GPM6A: variants seen among roughly 807,000 people sequenced by gnomAD.
The protein encoded by GPM6A is glycoprotein M6A, also known as neuronal membrane glycoprotein M6-a.
A neutral mutation model predicts 32.1 loss-of-function variants in GPM6A; 7 were observed. That is an observed-to-expected ratio of 0.22 (90% CI 0.12 to 0.41). The LOEUF is 0.41. Among genes scored for constraint, GPM6A ranks in the 10% least tolerant of loss-of-function variants. GPM6A has a pLI of 1.00. For missense variants in GPM6A, 235 were observed against 347.2 expected (o/e 0.68, Z 2.57); for synonymous variants, 130 against 123.4 (o/e 1.05, Z -0.35).
chr4:175,771,551 C>CAA (rs889739577), intron 1 of GPM6A, among the ~76,000 whole-genome samples: 46 of 66,450 alleles, frequency 6.9e-4, no homozygotes, highest in Admixed American at 1.0e-3. Flanking sequence ...GACTCTGTCT[C>CAA]AAAAAAAAAA....
intron 1 of GPM6A, among the ~76,000 whole-genome samples, chr4:175,719,622 C>A (rs369250900): frequency 1.3e-5 from 2 of 151,986 alleles, no homozygotes; most frequent in Admixed American, 6.6e-5. Context: ...ATGTCAGAAA[C>A]AAATTGCCAC....
rs116059443 is a variant in GPM6A, at chr4:175,799,223, G to A, written c.37+12968C>T. Among the ~76,000 whole-genome samples, 566 of 152,266 alleles carry A rather than the reference G, an allele frequency of 3.7e-3. 7 individuals are homozygous for A. The highest frequency in any genetic ancestry group is 0.013 in the African/African-American group (538 of 41,562). On this transcript the variant is annotated intron_variant, in intron 1 of 6. Transcript: ENST00000393658. The stretch of plus-strand genomic sequence containing the variant: ...CATCTGTCTTAGGGAGCTCCAGTCA[G>A]CTGCCTTTCCTAGAGTATCACAGGC...
intron 1 of GPM6A, among the ~76,000 whole-genome samples, chr4:175,773,024 A>C (rs1291703419): frequency 1.3e-5 from 2 of 152,206 alleles, no homozygotes; most frequent in South Asian, 2.1e-4. Context: ...TTAATTAACC[A>C]ATCCCTTTCA....
At chr4:175,848,695 C>T (rs1478362843) in intron 1 of GPM6A, among the ~76,000 whole-genome samples, 3 of 152,106 alleles carry the variant, frequency 2.0e-5, no homozygotes, top group Non-Finnish European at 2.9e-5. Context: ...TGCCTACAAC[C>T]GAGCAATGAT....
At chr4:175,758,552 G>A (rs1012918810) in intron 1 of GPM6A, among the ~76,000 whole-genome samples, 1 of 152,210 alleles carries the variant, frequency 6.6e-6, no homozygotes, top group African/African-American at 2.4e-5. Context: ...CACTGGCAGA[G>A]AGTGTCAATT....
chr4:175,701,820 T>A (rs1283346026), intron 1 of GPM6A, 53 bp from the exon 2 acceptor site: 1 of 1,378,294 alleles, frequency 7.3e-7, no homozygotes, highest in Non-Finnish European at 1.0e-6. Context: ...CTAATTTAAT[T>A]TTTTTTTTCA....
At chr4:175,635,364 A>G (rs1320201626) in intron 6 of GPM6A, among the ~76,000 whole-genome samples, 2 of 152,122 alleles carry the variant, frequency 1.3e-5, no homozygotes, top group Non-Finnish European at 2.9e-5. Context: ...TCATTTGCCC[A>G]AACCATAGAT....
chr4:175,880,366 G>A (rs1737230797), intron 1 of GPM6A, among the ~76,000 whole-genome samples: 1 of 152,164 alleles, frequency 6.6e-6, no homozygotes, highest in African/African-American at 2.4e-5. Flanking sequence ...ACTTGGCAAT[G>A]TGGGCTATTT....
At chr4:175,956,472 ATC>A (rs1739989150) in intron 1 of GPM6A, among the ~76,000 whole-genome samples, 2 of 152,140 alleles carry the variant, frequency 1.3e-5, no homozygotes, top group Non-Finnish European at 2.9e-5. Context: ...AATTTATGTT[ATC>A]TCTGGTAAGT....
upstream of GPM6A, among the ~76,000 whole-genome samples, chr4:175,816,237 T>A (rs577988285): frequency 1.3e-5 from 2 of 152,286 alleles, no homozygotes; most frequent in African/African-American, 4.8e-5. Flanking sequence ...TGGTTAAAAA[T>A]ATGATTATAT....
chr4:175,737,605 A>G (rs560608211), intron 1 of GPM6A, among the ~76,000 whole-genome samples: 82 of 152,328 alleles, frequency 5.4e-4, no homozygotes, highest in Admixed American at 2.2e-3. Context: ...GTGTTTTCCA[A>G]TAAGACAATG....
rs1356618284 is a variant in GPM6A at position 175,673,781 on chromosome 4, C to T, written c.286G>A (p.Gly96Ser). The change falls in exon 3 of 7, where the codon GGC (glycine) becomes AGC (serine). Residue 96 changes from glycine to serine, a missense_variant. Around this residue, in one of 3 missense-constraint regions of GPM6A, gnomAD observed 101 missense variants for 171.2 expected, o/e 0.59. Transcript: ENST00000393658. The stretch of plus-strand genomic sequence containing the variant: ...AAACCTTCCACCATCAGCAAAATGC[C>T]ATACACAAAGAACGCAGCTGCGATG... ...YGIAAAFFVY[G>S]ILLMVEGFFT... The T allele has an allele frequency of 6.2e-7, 1 of 1,611,934 alleles. No individual in the cohort carries two copies. The highest frequency in any genetic ancestry group is 8.5e-7 in the Non-Finnish European group (1 of 1,178,386).
At chr4:175,979,045 T>G (rs1330162408) in intron 1 of GPM6A, among the ~76,000 whole-genome samples, 6 of 152,276 alleles carry the variant, frequency 3.9e-5, no homozygotes, top group Admixed American at 6.5e-5. Context: ...GCTCCATTTA[T>G]TCCTCAACTT....
chr4:175,713,379 G>A (rs375569594), intron 1 of GPM6A, among the ~76,000 whole-genome samples: 1 of 151,944 alleles, frequency 6.6e-6, no homozygotes, highest in South Asian at 2.1e-4. Context: ...ATTTAGTAGA[G>A]ACGGGGTTTC....
chr4:175,840,994 C>T (rs918613894), intron 1 of GPM6A, among the ~76,000 whole-genome samples: 1 of 152,248 alleles, frequency 6.6e-6, no homozygotes, highest in Non-Finnish European at 1.5e-5. Context: ...CTTATTATCC[C>T]TATTTTACAG....
chr4:175,818,041 T>C (rs1579536905), intron 1 of GPM6A, among the ~76,000 whole-genome samples: 2 of 152,200 alleles, frequency 1.3e-5, no homozygotes, highest in East Asian at 3.9e-4. Flanking sequence ...CTCCAATCTA[T>C]TAATATTGTA....
At chr4:175,876,366 T>A (rs898236408) in intron 1 of GPM6A, among the ~76,000 whole-genome samples, 1 of 152,198 alleles carries the variant, frequency 6.6e-6, no homozygotes. Context: ...ATTCATTAAA[T>A]GCATTAGATT....
intron 2 of GPM6A, among the ~76,000 whole-genome samples, chr4:175,700,726 A>C (rs1168763236): frequency 1.3e-5 from 2 of 152,230 alleles, no homozygotes; most frequent in Non-Finnish European, 1.5e-5. Context: ...ATATAACAAA[A>C]GCTATAAGGG....
chr4:175,748,360 T>C (rs536435302), intron 1 of GPM6A, among the ~76,000 whole-genome samples: 7 of 152,188 alleles, frequency 4.6e-5, no homozygotes, highest in Non-Finnish European at 7.4e-5. Flanking sequence ...TCTTAAATAA[T>C]AAGGTTTGAA....
Sources: gnomAD v4.1 joint callset for allele counts (sites outside exome capture counted in the v4.1 genomes callset) on GRCh38, gnomAD v4.1.1 for gene constraint, gnomAD v4.1.1 regional missense constraint, MANE v1.5 for transcripts, NCBI Gene and HGNC (gene_info 2026-07-23, HGNC 2026-07-21) for gene names.